The following HRG variants were observed in gnomAD, a reference collection of about 807,000 sequenced individuals.
HRG encodes the protein histidine-rich glycoprotein.
HRG carries 26 observed loss-of-function variants against 29.5 expected under a neutral mutation model. The ratio of observed to expected loss-of-function variants is 0.88; its 90% CI spans 0.65 to 1.22. HRG has a LOEUF of 1.22. Among genes scored for constraint, HRG ranks in the 50% most tolerant of loss-of-function variants. The pLI is 0.00. For synonymous variants in HRG, 243 were observed against 240.4 expected, an observed-to-expected ratio of 1.01 and a Z score of -0.10; for missense variants, 671 against 654.5, an observed-to-expected ratio of 1.03 and a Z score of -0.28.
chr3:186,669,279 C>A (rs1718710421), intron 2 of HRG, among the ~76,000 whole-genome samples: 1 of 152,190 alleles, frequency 6.6e-6, no homozygotes, highest in Non-Finnish European at 1.5e-5. Context: ...GCATAACCAG[C>A]TGTGGGTCCT....
chr3:186,673,812 A>G (rs1405480018), intron 5 of HRG: 2 of 152,170 alleles, frequency 1.3e-5, no homozygotes, highest in African/African-American at 2.4e-5. Context: ...TTACAAATAG[A>G]TTCCCATGTA....
chr3:186,674,707 G>A (rs957063195), intron 5 of HRG: 7 of 338,754 alleles, frequency 2.1e-5, no homozygotes, highest in African/African-American at 1.5e-4. Flanking sequence ...ACCAGCTGAA[G>A]TTGTAAAAAT....
chr3:186,676,448 T>A (rs1361193491), intron 6 of HRG, among the ~76,000 whole-genome samples: 1 of 152,110 alleles, frequency 6.6e-6, no homozygotes, highest in Non-Finnish European at 1.5e-5. Flanking sequence ...TCTGATATTG[T>A]GTTTCTGGCT....
At chr3:186,669,102 C>A in intron 2 of HRG, 51 bp downstream of exon 2, 1 of 1,027,592 alleles carries the variant, frequency 9.7e-7, no homozygotes, top group Non-Finnish European at 1.6e-6. Flanking sequence ...TATTTTCCAT[C>A]TACTCTGTTC....
In HRG at chr3:186,677,346, T is replaced by A; in HGVS notation, c.1041T>A (p.Ser347Arg). ...GACATTCTCATAATAATAATTCCAG[T>A]GACCTCCATCCCCATAAGCATCATT... ...AQRHSHNNNS[S>R]DLHPHKHHSH... The change falls in exon 7 of 7, where the codon AGT (serine) becomes AGA (arginine). Residue 347 changes from serine (S) to arginine (R), a missense_variant. By Grantham distance (110) the Ser-to-Arg change is moderately radical. Coordinates refer to ENST00000232003, the MANE Select transcript of HRG (RefSeq NM_000412.5). 4.3e-6 allele frequency: 7 copies of A among 1,614,044 alleles called. No homozygotes were observed. Among genetic ancestry groups the A allele is most frequent in the Non-Finnish European group, 5.1e-6 (6 of 1,179,992 alleles).
Position 186,678,075 on chromosome 3 carries a change from G to T in HRG, c.*192G>T, listed in dbSNP as rs933319181. 28 of 592,868 alleles carry T rather than the reference G, an allele frequency of 4.7e-5. No homozygotes were observed. The highest frequency in any genetic ancestry group is 2.0e-4 in the South Asian group (10 of 50,006). 36.7% of individuals were successfully genotyped at this position (592,868 alleles called of 1,614,324 possible). On this transcript the variant is annotated 3_prime_UTR_variant, in exon 7 of 7. Transcript: ENST00000232003. ...AAAGGAGAGGAAAGAACTCAGTGCT[G>T]CCTATTAGTAGTTAATTCTGTCACT...
intron 3 of HRG, among the ~76,000 whole-genome samples, chr3:186,671,298 T>C (rs1471662537): frequency 6.8e-6 from 1 of 147,874 alleles, no homozygotes; most frequent in African/African-American, 2.5e-5. Flanking sequence ...ATAATAGATA[T>C]TATATAATAG....
chr3:186,674,630 C>CCT (rs1290710032), intron 5 of HRG: 8 of 246,628 alleles, frequency 3.2e-5, no homozygotes, highest in Non-Finnish European at 5.6e-5. Flanking sequence ...CTTGCCTTGA[C>CCT]AATGTCCATG....
At chr3:186,675,315 G>GAGAGAGAGAGAGAGAC in intron 6 of HRG, 125 bp downstream of exon 6, 1 of 678,626 alleles carries the variant, frequency 1.5e-6, no homozygotes, top group Non-Finnish European at 2.7e-6. Context: ...GTGTGAGAGA[G>GAGAGAGAGAGAGAGAC]AGAGAGAGAG....
intron 6 of HRG, 114 bp downstream of exon 6, chr3:186,675,304 TGTGTGAGAGAGA>T (rs1718942068): frequency 1.0e-5 from 5 of 490,298 alleles, no homozygotes; most frequent in South Asian, 7.2e-5. Flanking sequence ...TGTGTGTGTG[TGTGTGAGAGAGA>T]GAGAGAGAGA....
Position 186,668,927 on chromosome 3 carries a change from T to C in HRG, c.184-8T>C, listed in dbSNP as rs1164208944. The C allele has an allele frequency of 6.6e-7, 1 of 1,513,080 alleles. No homozygotes were observed. The highest frequency in any genetic ancestry group is 1.4e-5 in the African/African-American group (1 of 73,020). The allele number at this position is 1,513,080 out of a possible 1,614,324, so 93.7% of individuals were successfully genotyped here. A position where few individuals can be genotyped will look rare whatever the true frequency, so the allele number is the denominator to read the frequency against. On this transcript the variant is annotated splice_region_variant and splice_polypyrimidine_tract_variant and intron_variant, in intron 1 of 6. Coordinates refer to ENST00000232003, the MANE Select transcript of HRG (RefSeq NM_000412.5). ...TGCTACTCACATGTTGCTTTTGGCA[T>C]TCCTCAGGAAAATACAACTGTATAT... is the stretch of plus-strand genomic sequence containing the variant.
At position 186,668,830 on chromosome 3, in the gene HRG, G is replaced by A. The variant is rs538668763; in HGVS notation, c.184-105G>A. ...TAGAGCATCTGCAAAGACAGTGAGA[G>A]GAACAGGAATTCTGTTTAAGTAATA... is the stretch of plus-strand genomic sequence containing the variant. On this transcript the variant is annotated intron_variant, in intron 1 of 6. Coordinates refer to ENST00000232003, the MANE Select transcript of HRG (RefSeq NM_000412.5). 2.5e-5 allele frequency: 18 copies of A among 713,916 alleles called. No individual in the cohort carries two copies. The East Asian group carries it at 4.8e-4, about 19-fold the overall frequency. 44.2% of individuals were successfully genotyped at this position (713,916 alleles called of 1,614,324 possible). A position where few individuals can be genotyped will look rare whatever the true frequency, so the allele number is the denominator to read the frequency against.
At chr3:186,667,222 T>G (rs1276318225) in intron 1 of HRG, 1 of 152,150 alleles carries the variant, frequency 6.6e-6, no homozygotes, top group African/African-American at 2.4e-5. Flanking sequence ...GGACCTACTA[T>G]CAAACAGAGT....
intron 5 of HRG, chr3:186,674,082 C>A (rs1718891712): frequency 6.6e-6 from 1 of 152,194 alleles, no homozygotes; most frequent in South Asian, 2.1e-4. Flanking sequence ...TTTAACAACA[C>A]ATTCTCCCTG....
chr3:186,677,704 G>T lies in HRG; in HGVS notation c.1399G>T (p.Gly467Cys), dbSNP rs778400360. ...GTACCGACTCCCTCCTCTAAGAAAA[G>T]GTGAGGTGCTGCCACTTCCTGAGGC... ...SVYRLPPLRK[G>C]EVLPLPEANF... The change falls in exon 7 of 7, where the codon GGT becomes TGT. Residue 467 changes from glycine to cysteine, a missense_variant. Coordinates refer to ENST00000232003, the MANE Select transcript of HRG (RefSeq NM_000412.5). The T allele has an allele frequency of 1.7e-5, 28 of 1,611,808 alleles. No homozygotes were observed. The highest frequency in any genetic ancestry group is 2.0e-5 in the Non-Finnish European group (24 of 1,178,018).
At position 186,670,001 on chromosome 3, in the gene HRG, A is replaced by T. The variant is rs1718737692; in HGVS notation, c.364A>T (p.Ile122Phe). Residue 122 changes from isoleucine to phenylalanine, a missense_variant, in exon 3 of 7, where the codon ATT becomes TTT. Physicochemically the swap from Ile to Phe is conservative, Grantham distance 21 (BLOSUM62 0). Transcript: ENST00000232003. ...HSHESQDLRV[I>F]DFNCTTSSVS... is the part of the protein sequence containing the mutation. ...CCATGAATCTCAGGACCTCAGAGTG[A>T]TTGACTTTAACTGCACCACAAGTTC... The T allele has an allele frequency of 1.3e-6, 2 of 1,588,392 alleles. No homozygotes were observed. The highest frequency in any genetic ancestry group is 1.7e-6 in the Non-Finnish European group (2 of 1,158,390).
At chr3:186,671,131 G>T (rs1718774630) in intron 3 of HRG, among the ~76,000 whole-genome samples, 1 of 150,590 alleles carries the variant, frequency 6.6e-6, no homozygotes, top group Non-Finnish European at 1.5e-5. Context: ...AGGCCAGAGG[G>T]TTGCTTGAGC....
chr3:186,673,295 G>T, intron 5 of HRG: 1 of 284,110 alleles, frequency 3.5e-6, no homozygotes, highest in South Asian at 3.8e-5. Flanking sequence ...GTAGAGATGG[G>T]GTTTCACCAT....
chr3:186,671,146 G>A (rs1223450863), intron 3 of HRG, among the ~76,000 whole-genome samples: 3 of 150,164 alleles, frequency 2.0e-5, no homozygotes, highest in Non-Finnish European at 3.0e-5. Flanking sequence ...TTGAGCCCAG[G>A]AGTTTGAGAC....
Sources: allele counts gnomAD v4.1 joint callset (sites outside exome capture counted in the v4.1 genomes callset), GRCh38; gene constraint gnomAD v4.1.1; transcripts MANE v1.5; gene names NCBI Gene and HGNC (gene_info 2026-07-23, HGNC 2026-07-21).